STXBP5L: variants seen among roughly 807,000 people sequenced by gnomAD.
The protein encoded by STXBP5L is syntaxin binding protein 5L.
In STXBP5L, 65 loss-of-function variants were observed where a neutral mutation model predicts 144.5. That is an observed-to-expected ratio of 0.45 (90% CI 0.37 to 0.55). The LOEUF is 0.55. Ranked by LOEUF, STXBP5L falls within the 20% of genes least tolerant of loss-of-function variation. The pLI is 0.00. For synonymous variants in STXBP5L, 505 were observed against 469.6 expected, an observed-to-expected ratio of 1.08 and a Z score of -0.97; for missense variants, 1,298 against 1,405.5, an observed-to-expected ratio of 0.92 and a Z score of 1.22.
chr3:120,988,901 G>C (rs1004373817), intron 3 of STXBP5L, among the ~76,000 whole-genome samples: 1 of 151,946 alleles, frequency 6.6e-6, no homozygotes, highest in Non-Finnish European at 1.5e-5. Context: ...CTACTTACAA[G>C]TGAGAACATG....
intron 3 of STXBP5L, among the ~76,000 whole-genome samples, chr3:121,036,069 C>T (rs567774428): frequency 6.6e-6 from 1 of 152,164 alleles, no homozygotes; most frequent in Non-Finnish European, 1.5e-5. Context: ...CATGGTGGCT[C>T]ACAACTGTAA....
chr3:121,068,334 TAAC>T (rs1469756907), intron 5 of STXBP5L, among the ~76,000 whole-genome samples: 2 of 152,266 alleles, frequency 1.3e-5, no homozygotes, highest in East Asian at 3.8e-4. Flanking sequence ...TTGGTGTACC[TAAC>T]ATTTAATATA....
intron 7 of STXBP5L, among the ~76,000 whole-genome samples, chr3:121,144,440 C>A (rs1334719729): frequency 2.6e-5 from 4 of 151,756 alleles, no homozygotes; most frequent in Admixed American, 2.6e-4. Context: ...ATACTAGGAT[C>A]ATTATTATGT....
At position 121,370,099 on chromosome 3, in the gene STXBP5L, C is replaced by T. The variant is rs367624943; in HGVS notation, c.2177-8617C>T. Among the ~76,000 whole-genome samples the T allele has an allele frequency of 3.3e-5, 5 of 152,248 alleles. 1 individual carries two copies. In the East Asian group the frequency reaches 5.8e-4, roughly 18 times the overall value. On this transcript the variant is annotated intron_variant, in intron 20 of 26. Transcript: ENST00000471454. ...AGTGGGTAGTGGCTAGGCGCAGTGGCTCATGTTTGTAAATCCAGCACTTTG... is the reference window on the plus strand; with the variant it reads ...AGTGGGTAGTGGCTAGGCGCAGTGGTTCATGTTTGTAAATCCAGCACTTTG...
At chr3:121,342,902 G>A (rs6808325) in intron 20 of STXBP5L, among the ~76,000 whole-genome samples, 14,541 of 148,976 alleles carry the variant, frequency 0.098, 1,114 homozygotes, top group Admixed American at 0.2. Context: ...TCTAGTTCTA[G>A]ATCCCTGAGG....
chr3:121,310,878 C>T (rs932254764), intron 19 of STXBP5L, among the ~76,000 whole-genome samples: 3 of 151,904 alleles, frequency 2.0e-5, no homozygotes, highest in Admixed American at 2.0e-4. Context: ...CACTGCACTC[C>T]AGCCTGGGCA....
At chr3:121,206,547 C>T (rs1001234357) in intron 10 of STXBP5L, among the ~76,000 whole-genome samples, 11 of 152,124 alleles carry the variant, frequency 7.2e-5, no homozygotes, top group Admixed American at 3.3e-4. Context: ...CCCTGCCTCA[C>T]GCCTGTAACC....
At chr3:120,998,458 G>A (rs919936023) in intron 3 of STXBP5L, among the ~76,000 whole-genome samples, 23 of 151,934 alleles carry the variant, frequency 1.5e-4, no homozygotes, top group Admixed American at 1.1e-3. Flanking sequence ...AGGTATACAC[G>A]TGCCATGGTG....
intron 9 of STXBP5L, among the ~76,000 whole-genome samples, chr3:121,183,650 AAAG>A (rs954202389): frequency 1.3e-4 from 20 of 150,206 alleles, no homozygotes; most frequent in East Asian, 2.1e-4. Flanking sequence ...AAGAAAGAAA[AAAG>A]AAAGAAAGAA....
At chr3:121,001,751 G>A (rs982948651) in intron 3 of STXBP5L, among the ~76,000 whole-genome samples, 4 of 152,126 alleles carry the variant, frequency 2.6e-5, no homozygotes, top group Admixed American at 6.6e-5. Flanking sequence ...TCCCTTCAGC[G>A]CAGATTCTGC....
At chr3:121,282,116 T>C in intron 19 of STXBP5L, 1 of 473,628 alleles carries the variant, frequency 2.1e-6, no homozygotes. Context: ...TTTATTAATA[T>C]CTCCTTCTAA....
chr3:121,399,384 G>T (rs1326343037), intron 22 of STXBP5L, among the ~76,000 whole-genome samples: 1 of 152,140 alleles, frequency 6.6e-6, no homozygotes, highest in African/African-American at 2.4e-5. Context: ...GACCAGCTCG[G>T]TTGGGGAGAC....
chr3:121,049,611 A>C (rs1947793995), intron 5 of STXBP5L: 1 of 154,356 alleles, frequency 6.5e-6, no homozygotes, highest in Non-Finnish European at 1.5e-5. Flanking sequence ...GAATTCTGGT[A>C]GGGCTGTGGT....
intron 17 of STXBP5L, among the ~76,000 whole-genome samples, chr3:121,258,731 A>G (rs1376248125): frequency 3.3e-5 from 5 of 152,146 alleles, no homozygotes; most frequent in African/African-American, 1.2e-4. Context: ...TATATGTAAC[A>G]TATATTACAT....
intron 11 of STXBP5L, among the ~76,000 whole-genome samples, chr3:121,225,360 G>A (rs952019840): frequency 2.0e-5 from 3 of 152,112 alleles, no homozygotes; most frequent in Admixed American, 1.3e-4. Context: ...CTGTTAGTGA[G>A]GCCAACTCGA....
chr3:121,375,253 A>G (rs1397177570), intron 20 of STXBP5L, among the ~76,000 whole-genome samples: 2 of 152,232 alleles, frequency 1.3e-5, no homozygotes, highest in Non-Finnish European at 2.9e-5. Flanking sequence ...AGATATGGAA[A>G]GTTCAATAAT....
chr3:121,372,883 C>G (rs780701497), intron 20 of STXBP5L, among the ~76,000 whole-genome samples: 44 of 152,016 alleles, frequency 2.9e-4, no homozygotes, highest in Non-Finnish European at 5.0e-4. Flanking sequence ...AATTTTTTGT[C>G]TAAATGGAAG....
At chr3:121,128,765 GA>G (rs1306675581) in intron 7 of STXBP5L, among the ~76,000 whole-genome samples, 3 of 151,866 alleles carry the variant, frequency 2.0e-5, no homozygotes, top group Admixed American at 6.6e-5. Context: ...TGTATGATCA[GA>G]AAAAAATTAA....
chr3:121,210,277 A>G (rs897582335), intron 10 of STXBP5L, among the ~76,000 whole-genome samples: 2 of 151,658 alleles, frequency 1.3e-5, no homozygotes, highest in Non-Finnish European at 2.9e-5. Context: ...TTTTTGATGG[A>G]GTTGTTTGTT....
Sources: allele counts gnomAD v4.1 joint callset (sites outside exome capture counted in the v4.1 genomes callset), GRCh38; gene constraint gnomAD v4.1.1; transcripts MANE v1.5; gene names NCBI Gene and HGNC (gene_info 2026-07-23, HGNC 2026-07-21).